NSD1: variants seen among roughly 807,000 people sequenced by gnomAD.
The protein encoded by NSD1 is histone-lysine N-methyltransferase, H3 lysine-36 specific.
A neutral mutation model predicts 242.7 loss-of-function variants in NSD1; 26 were observed. The observed-to-expected ratio is 0.11, with a 90% confidence interval of 0.08 to 0.15. The LOEUF is 0.15. Among genes scored for constraint, NSD1 ranks in the 10% least tolerant of loss-of-function variants. The pLI, the probability that NSD1 is intolerant of heterozygous loss-of-function variation, is 1.00. For synonymous variants in NSD1, 1,106 were observed against 1,178.1 expected (o/e 0.94, Z 1.25); for missense variants, 2,495 against 3,272.8 (o/e 0.76, Z 5.80).
In NSD1 at chr5:177,239,846, A is replaced by T. The variant is rs1242010198; in HGVS notation, c.4283A>T (p.Asp1428Val). ...LDPGFMPKKGDLGLSKKCYEA... is the reference protein window; with the variant it reads ...LDPGFMPKKGVLGLSKKCYEA... The stretch of plus-strand genomic sequence containing the variant: ...CCTGGATTTATGCCCAAGAAGGGGG[A>T]CCTTGGCCTTTCTAAAAAGGTATGT... Residue 1428 changes from aspartate to valine, a missense_variant, in exon 8 of 23, where the codon GAC (aspartate) becomes GTC (valine). Asp to Val is a radical substitution (Grantham distance 152). This residue lies in a region of NSD1 where 100 missense variants were observed against 190.7 expected (regional missense o/e 0.52). Coordinates refer to ENST00000439151, the MANE Select transcript of NSD1 (RefSeq NM_022455.5). The T allele has an allele frequency of 6.2e-7, 1 of 1,605,442 alleles. No homozygotes were observed. Among genetic ancestry groups the T allele is most frequent in the Non-Finnish European group, 8.5e-7 (1 of 1,172,626 alleles).
chr5:177,241,747 C>T (rs1166763240), intron 8 of NSD1, among the ~76,000 whole-genome samples: 3 of 152,104 alleles, frequency 2.0e-5, no homozygotes, highest in Non-Finnish European at 4.4e-5. Context: ...GTCTGTCCTG[C>T]CATCTGACCT....
At chr5:177,148,414 C>T (rs968034885) in intron 2 of NSD1, among the ~76,000 whole-genome samples, 1 of 150,804 alleles carries the variant, frequency 6.6e-6, no homozygotes, top group Non-Finnish European at 1.5e-5. Flanking sequence ...CACGGCGCCC[C>T]GCCAATGTTC....
chr5:177,271,433 T>A (rs1757935483), intron 16 of NSD1, among the ~76,000 whole-genome samples: 1 of 152,138 alleles, frequency 6.6e-6, no homozygotes, highest in African/African-American at 2.4e-5. Context: ...ATCTTGCAGA[T>A]GAGGAAACTG....
rs1359539320 is a variant in NSD1, at chr5:177,211,533, G to A, written c.3134G>A (p.Arg1045His). 20 of 1,613,986 alleles carry A rather than the reference G, an allele frequency of 1.2e-5. No homozygotes were observed. Among genetic ancestry groups the A allele is most frequent in the East Asian group, 2.2e-5 (1 of 44,904 alleles). ...CAAATGGTAAAGAACACAGTGAACC[G>A]TAAAGCCTTAAAGACCGAGCGCAAA... ...SAQMVKNTVN[R>H]KALKTERKRK... Residue 1045 changes from arginine to histidine, a missense_variant, in exon 5 of 23, where the codon CGT becomes CAT. Physicochemically the swap from Arg to His is conservative, Grantham distance 29. Coordinates refer to ENST00000439151, the MANE Select transcript of NSD1 (RefSeq NM_022455.5).
Position 177,211,663 on chromosome 5 carries a change from G to C in NSD1, c.3264G>C (p.Glu1088Asp), listed in dbSNP as rs752875332. The C allele has an allele frequency of 6.2e-7, 1 of 1,614,086 alleles. No homozygotes were observed. Among genetic ancestry groups the C allele is most frequent in the Non-Finnish European group, 8.5e-7 (1 of 1,180,018 alleles). The change falls in exon 5 of 23, where the codon GAG (glutamate) becomes GAC (aspartate). Residue 1088 changes from glutamate (E) to aspartate (D), a missense_variant. Physicochemically the swap from Glu to Asp is conservative, Grantham distance 45 (BLOSUM62 2). Around this residue, in one of 19 missense-constraint regions of NSD1, gnomAD observed 426 missense variants for 411.4 expected, o/e 1.04. Coordinates refer to ENST00000439151, the MANE Select transcript of NSD1 (RefSeq NM_022455.5). ...GTGGGGCAGAAGATCCTAGTAAAGA[G>C]GATCCCCTTCAGATAATGGGCCACT... The part of the protein sequence containing the change: ...LRGGAEDPSK[E>D]DPLQIMGHLT...
chr5:177,222,730 A>T (rs1450603338), intron 5 of NSD1, among the ~76,000 whole-genome samples: 5 of 152,074 alleles, frequency 3.3e-5, no homozygotes, highest in Non-Finnish European at 7.4e-5. Context: ...GTCTTTATAT[A>T]TTTTACATAT....
chr5:177,132,124 C>T (rs1755924723), upstream of NSD1, among the ~76,000 whole-genome samples: 1 of 152,154 alleles, frequency 6.6e-6, no homozygotes, highest in African/African-American at 2.4e-5. The surrounding 1 kb of genome is among the most constrained non-coding windows in gnomAD (Gnocchi z 7.5). Context: ...GGATGCAGGC[C>T]GTGAGGCCCC....
chr5:177,287,874 T>A (rs570031465), intron 20 of NSD1, among the ~76,000 whole-genome samples: 1 of 152,100 alleles, frequency 6.6e-6, no homozygotes, highest in African/African-American at 2.4e-5. Flanking sequence ...GATAAAGAAA[T>A]AGTGATAAGA....
intron 14 of NSD1, chr5:177,266,674 G>A (rs564287374): frequency 2.1e-5 from 7 of 336,516 alleles, no homozygotes; most frequent in Non-Finnish European, 3.7e-5. Context: ...GAAGCACAGT[G>A]AGAACAAGAT....
intron 13 of NSD1, among the ~76,000 whole-genome samples, chr5:177,257,826 T>A (rs562359159): frequency 2.0e-4 from 30 of 149,862 alleles, no homozygotes; most frequent in African/African-American, 7.3e-4. Context: ...TTTTTTATTT[T>A]ATTTTATTTT....
chr5:177,245,021 G>T (rs894566040), intron 9 of NSD1, among the ~76,000 whole-genome samples: 3 of 152,128 alleles, frequency 2.0e-5, no homozygotes, highest in African/African-American at 2.4e-5. Context: ...TCCAGACCAG[G>T]CTCGGCACTT....
intron 2 of NSD1, among the ~76,000 whole-genome samples, chr5:177,166,805 G>A (rs929254957): frequency 2.7e-5 from 4 of 149,204 alleles, no homozygotes; most frequent in Admixed American, 1.3e-4. Flanking sequence ...GTAGTGGCGC[G>A]ATCTCGGCTC....
At chr5:177,151,068 A>G (rs1182764003) in intron 2 of NSD1, among the ~76,000 whole-genome samples, 1 of 152,228 alleles carries the variant, frequency 6.6e-6, no homozygotes, top group Non-Finnish European at 1.5e-5. Context: ...CAGCACTTCC[A>G]TCGTGTCACA....
At chr5:177,257,756 C>T (rs189841329) in intron 13 of NSD1, among the ~76,000 whole-genome samples, 3 of 151,968 alleles carry the variant, frequency 2.0e-5, no homozygotes, top group Non-Finnish European at 4.4e-5. Context: ...AAGTGTTCTG[C>T]TGCATGTCCT....
At chr5:177,275,641 GCCA>G (rs1270412685) in intron 17 of NSD1, among the ~76,000 whole-genome samples, 1 of 151,696 alleles carries the variant, frequency 6.6e-6, no homozygotes, top group Admixed American at 6.6e-5. Flanking sequence ...CACCATGTTA[GCCA>G]GGATGGTCTC....
At chr5:177,214,981 A>G (rs1240468829) in intron 5 of NSD1, among the ~76,000 whole-genome samples, 7 of 152,080 alleles carry the variant, frequency 4.6e-5, no homozygotes, top group African/African-American at 1.4e-4. Context: ...GATTAAAAGC[A>G]TGAGCCACCA....
At chr5:177,191,765 T>TA (rs1761714315) in intron 2 of NSD1, 119 bp from the exon 3 acceptor site, 1 of 985,702 alleles carries the variant, frequency 1.0e-6, no homozygotes, top group African/African-American at 1.6e-5. Context: ...CTTTTTAGGC[T>TA]AGAGTGTTTT....
intron 11 of NSD1, among the ~76,000 whole-genome samples, chr5:177,248,805 A>G (rs946837385): frequency 1.3e-5 from 2 of 152,188 alleles, no homozygotes; most frequent in African/African-American, 4.8e-5. Flanking sequence ...CAAGCACTTT[A>G]TAAATATTAC....
At chr5:177,287,367 G>A (rs991845625) in intron 20 of NSD1, among the ~76,000 whole-genome samples, 6 of 152,226 alleles carry the variant, frequency 3.9e-5, no homozygotes, top group African/African-American at 7.2e-5. Context: ...GGGGCTGGGC[G>A]CAGTGGCTCA....
Sources: allele counts gnomAD v4.1 joint callset (sites outside exome capture counted in the v4.1 genomes callset), GRCh38; gene constraint gnomAD v4.1.1; regional missense constraint gnomAD v4.1.1; non-coding constraint Gnocchi (gnomAD v3.1); transcripts MANE v1.5; gene names NCBI Gene and HGNC (gene_info 2026-07-23, HGNC 2026-07-21).